The following CLEC4A variants were observed in gnomAD, a reference collection of about 807,000 sequenced individuals.
CLEC4A encodes C-type lectin domain family 4 member A.
A neutral mutation model predicts 32.7 loss-of-function variants in CLEC4A; 27 were observed. That is an observed-to-expected ratio of 0.83 (90% CI 0.61 to 1.14). The LOEUF (loss-of-function observed/expected upper bound fraction) is 1.14, where lower values mean the gene tolerates loss of function less well. Among genes scored for constraint, CLEC4A ranks in the 50% most tolerant of loss-of-function variants. The pLI is 0.00. For synonymous variants in CLEC4A, 89 were observed against 93.7 expected (o/e 0.95, Z 0.29); for missense variants, 253 against 274.6 (o/e 0.92, Z 0.55).
At chr12:8,137,996 C>A in intron 5 of CLEC4A, 144 bp from the exon 6 acceptor site, 1 of 822,124 alleles carries the variant, frequency 1.2e-6, no homozygotes, top group East Asian at 2.8e-5. Flanking sequence ...GGAGGAGAAG[C>A]TGCATGATGA....
Position 8,130,370 on chromosome 12 carries a change from G to A in CLEC4A, c.298+1008G>A, listed in dbSNP as rs137860559. On this transcript the variant is annotated intron_variant, in intron 3 of 5. Transcript: ENST00000229332. ...AAATTATTTAAATTAATAGATTATT[G>A]TTATTATTATTATTATTTTTGAGAT... Among the ~76,000 whole-genome samples the A allele has an allele frequency of 8.1e-3, 1,231 of 151,484 alleles. 19 individuals are homozygous for A. Among genetic ancestry groups the A allele is most frequent in the African/African-American group, 0.028 (1,149 of 41,314 alleles).
chr12:8,115,880 C>T, the CLEC4A span, among the ~76,000 whole-genome samples: 20 of 152,050 alleles, frequency 1.3e-4, no homozygotes, highest in Admixed American at 3.9e-4. Context: ...CCTCAACCTC[C>T]TGGGCTCAAG....
the CLEC4A span, among the ~76,000 whole-genome samples, chr12:8,116,382 G>A: frequency 4.6e-5 from 7 of 152,266 alleles, no homozygotes; most frequent in African/African-American, 1.4e-4. Flanking sequence ...GATTTCAGGC[G>A]TGAGTCATCG....
chr12:8,136,508 G>A (rs982743927), intron 4 of CLEC4A, among the ~76,000 whole-genome samples: 1 of 148,292 alleles, frequency 6.7e-6, no homozygotes, highest in Admixed American at 6.8e-5. Flanking sequence ...GAGGTGCAGT[G>A]AGCCAAGATT....
Position 8,135,236 on chromosome 12 carries a change from A to G in CLEC4A, c.299-349A>G, listed in dbSNP as rs752941113. Among the ~76,000 whole-genome samples the G allele has an allele frequency of 3.3e-5, 5 of 150,942 alleles. No homozygotes were observed. The East Asian group carries it at 9.7e-4, about 29-fold the overall frequency. On this transcript the variant is annotated intron_variant, in intron 3 of 5. Transcript: ENST00000229332. ...CATCTATTGATTATTATATTTTATT[A>G]AATTTGAAAACTTACTGGTTCTTAG...
chr12:8,137,682 G>C (rs1373673156), intron 5 of CLEC4A, among the ~76,000 whole-genome samples: 1 of 152,096 alleles, frequency 6.6e-6, no homozygotes, highest in South Asian at 2.1e-4. Flanking sequence ...AATCAGGGAA[G>C]TTAAATTACT....
the CLEC4A span, among the ~76,000 whole-genome samples, chr12:8,115,799 ATT>A: frequency 6.6e-6 from 1 of 151,678 alleles, no homozygotes; most frequent in Non-Finnish European, 1.5e-5. Context: ...TATATATTTA[ATT>A]TTTTCTAGAC....
At chr12:8,109,899 G>A in the CLEC4A span, among the ~76,000 whole-genome samples, 2 of 152,102 alleles carry the variant, frequency 1.3e-5, no homozygotes, top group African/African-American at 4.8e-5. Flanking sequence ...TGAGGTAGAT[G>A]CCCCAAGATT....
the CLEC4A span, among the ~76,000 whole-genome samples, chr12:8,107,067 A>C: frequency 6.6e-6 from 1 of 152,026 alleles, no homozygotes; most frequent in Non-Finnish European, 1.5e-5. Context: ...TAGTGTGTTG[A>C]GGGTTTTTAA....
At chr12:8,136,563 C>CAAA (rs5796306) in intron 4 of CLEC4A, among the ~76,000 whole-genome samples, 2 of 100,490 alleles carry the variant, frequency 2.0e-5, no homozygotes, top group African/African-American at 7.4e-5. Flanking sequence ...GACTCCATCT[C>CAAA]AAAAAAAAAA....
upstream of CLEC4A, among the ~76,000 whole-genome samples, chr12:8,119,850 G>A (rs928806940): frequency 3.9e-5 from 6 of 152,262 alleles, no homozygotes; most frequent in South Asian, 2.1e-4. Context: ...GTTCCCAGGG[G>A]TGTCCTCACT....
At position 8,123,818 on chromosome 12, in the gene CLEC4A, A is replaced by G. The variant is rs1218423842; in HGVS notation, c.-61A>G. 3 of 1,185,036 alleles carry G rather than the reference A, an allele frequency of 2.5e-6. No individual in the cohort carries two copies. Among genetic ancestry groups the G allele is most frequent in the Admixed American group, 1.7e-5 (1 of 58,358 alleles). The allele number at this position is 1,185,036 out of a possible 1,614,324, so 73.4% of individuals were successfully genotyped here. ...CCACCATGTTTGGTTCCTGTTTATA[A>G]GATGTTTTAAGAAAGATCTGAAACA... On this transcript the variant is annotated 5_prime_UTR_variant, in exon 1 of 6. An upstream open reading frame in the 5' UTR loses its in-frame stop. Coordinates refer to ENST00000229332, the MANE Select transcript of CLEC4A (RefSeq NM_016184.4).
intron 2 of CLEC4A, among the ~76,000 whole-genome samples, chr12:8,125,944 T>C (rs2120573320): frequency 6.6e-6 from 1 of 152,336 alleles, no homozygotes; most frequent in African/African-American, 2.4e-5. Context: ...GTGAAATCTA[T>C]GGGGCATCAT....
chr12:8,119,629 T>G (rs1014843448), upstream of CLEC4A, among the ~76,000 whole-genome samples: 3 of 152,268 alleles, frequency 2.0e-5, no homozygotes, highest in Admixed American at 6.5e-5. Flanking sequence ...TTCTAAATAC[T>G]GAGATTAATT....
chr12:8,120,159 G>A (rs1380417864), upstream of CLEC4A, among the ~76,000 whole-genome samples: 1 of 152,076 alleles, frequency 6.6e-6, no homozygotes, highest in Non-Finnish European at 1.5e-5. Flanking sequence ...TTTTACTGGG[G>A]TCCATTATGT....
At position 8,134,239 on chromosome 12, in the gene CLEC4A, C is replaced by G. The variant is rs929229654; in HGVS notation, c.299-1346C>G. On this transcript the variant is annotated intron_variant, in intron 3 of 5. Transcript: ENST00000229332. ...TGTTGTCAGCTTCCTCCACCCACTT[C>G]TGCAGCAAGGGCCGCAGCTCACACA... 8 of 1,612,326 alleles carry G rather than the reference C, an allele frequency of 5.0e-6. No individual in the cohort carries two copies. The African/African-American group carries it at 6.7e-5, about 13-fold the overall frequency.
In CLEC4A at chr12:8,123,799, T is replaced by C; in HGVS notation, c.-80T>C. 2 of 958,070 alleles carry C rather than the reference T, an allele frequency of 2.1e-6. No individual in the cohort carries two copies. The highest frequency in any genetic ancestry group is 1.3e-5 in the South Asian group (1 of 74,336). 59.3% of individuals were successfully genotyped at this position (958,070 alleles called of 1,614,324 possible). The stretch of plus-strand genomic sequence containing the variant: ...AAAGGAAGGAGGTAATTTACCACCA[T>C]GTTTGGTTCCTGTTTATAAGATGTT... On this transcript the variant is annotated 5_prime_UTR_variant, in exon 1 of 6. An upstream start codon of the reference 5' UTR is lost. Coordinates refer to ENST00000229332, the MANE Select transcript of CLEC4A (RefSeq NM_016184.4).
At chr12:8,104,538 C>T in the CLEC4A span, among the ~76,000 whole-genome samples, 1 of 152,286 alleles carries the variant, frequency 6.6e-6, no homozygotes, top group African/African-American at 2.4e-5. Context: ...CCTTCTCCAC[C>T]ATATCTTTGA....
chr12:8,129,426 T>C, intron 3 of CLEC4A, 64 bp downstream of exon 3: 1 of 1,063,436 alleles, frequency 9.4e-7, no homozygotes, highest in Non-Finnish European at 1.4e-6. Flanking sequence ...CAAATCAATA[T>C]TTCCAGTAAG....
Sources: gnomAD v4.1 joint callset for allele counts (sites outside exome capture counted in the v4.1 genomes callset) on GRCh38, gnomAD v4.1.1 for gene constraint, MANE v1.5 for transcripts, NCBI Gene and HGNC (gene_info 2026-07-23, HGNC 2026-07-21) for gene names.